Variants in CNTNAP2 observed in about 807,000 individuals in gnomAD.
The protein encoded by CNTNAP2 is contactin associated protein 2, also known as contactin-associated protein-like 2.
In CNTNAP2, 98 loss-of-function variants were observed where a neutral mutation model predicts 155.2. The observed-to-expected ratio is 0.63, with a 90% CI of 0.54 to 0.75. The LOEUF is 0.75. Ranked by LOEUF, CNTNAP2 falls within the 30% of genes least tolerant of loss-of-function variation. The probability of loss-of-function intolerance (pLI) is 0.00; values close to 1 mark genes in which losing one functional copy is unlikely to be tolerated. For synonymous variants in CNTNAP2, 651 were observed against 631.2 expected (o/e 1.03, Z -0.47); for missense variants, 1,727 against 1,688.1 (o/e 1.02, Z -0.40).
At chr7:147,605,201 CT>C (rs35140702) in intron 12 of CNTNAP2, among the ~76,000 whole-genome samples, 5 of 151,962 alleles carry the variant, frequency 3.3e-5, no homozygotes, top group African/African-American at 1.2e-4. Context: ...TTGTCCATTT[CT>C]TTTTTTTCCT....
intron 13 of CNTNAP2, among the ~76,000 whole-genome samples, chr7:147,667,141 G>A (rs1413167126): frequency 2.0e-5 from 3 of 152,154 alleles, no homozygotes; most frequent in African/African-American, 7.2e-5. Context: ...TTCAAGAACT[G>A]TTTTTCATTA....
chr7:146,331,700 C>T (rs1801190974), intron 1 of CNTNAP2, among the ~76,000 whole-genome samples: 1 of 152,160 alleles, frequency 6.6e-6, no homozygotes, highest in African/African-American at 2.4e-5. Context: ...TGACATTCCA[C>T]ATCACTCCTG....
Position 147,708,828 on chromosome 7 carries a change from T to C in CNTNAP2, c.2098+69522T>C, listed in dbSNP as rs140327036. 2.3e-4 allele frequency among the ~76,000 whole-genome samples: 35 copies of C among 152,312 alleles called. No individual in the cohort carries two copies. The East Asian group carries it at 6.2e-3, about 27-fold the overall frequency. Reference sequence around the variant, plus strand: ...TCTTTCATAAATGATCTATTCAAAGTGTGATCATCTATTCACTGTTTTTGT... The same window carrying C: ...TCTTTCATAAATGATCTATTCAAAGCGTGATCATCTATTCACTGTTTTTGT... On this transcript the variant is annotated intron_variant, in intron 13 of 23. Coordinates refer to ENST00000361727, the MANE Select transcript of CNTNAP2 (RefSeq NM_014141.6).
rs561982439 is a variant in CNTNAP2 at position 147,054,669 on chromosome 7, A to G, written c.550+10615A>G. Among the ~76,000 whole-genome samples the G allele has an allele frequency of 2.0e-5, 3 of 152,270 alleles. No homozygotes were observed. The East Asian group carries it at 5.8e-4, about 29-fold the overall frequency. The stretch of plus-strand genomic sequence containing the variant: ...TATTTAAATTAGCTAGGGAGAGAAG[A>G]GCAAATATTTAAGATGGCAGTAATT... On this transcript the variant is annotated intron_variant, in intron 4 of 23. Coordinates refer to ENST00000361727, the MANE Select transcript of CNTNAP2 (RefSeq NM_014141.6).
intron 21 of CNTNAP2, among the ~76,000 whole-genome samples, chr7:148,308,896 G>T (rs565644543): frequency 1.3e-5 from 2 of 152,278 alleles, no homozygotes; most frequent in African/African-American, 4.8e-5. Flanking sequence ...TCCCTGCAAA[G>T]GACGTGAACT....
chr7:147,165,198 G>A (rs372750672), intron 8 of CNTNAP2, among the ~76,000 whole-genome samples: 1 of 152,090 alleles, frequency 6.6e-6, no homozygotes, highest in South Asian at 2.1e-4. Context: ...ATTCTTGCAG[G>A]AGTAAGGGGG....
chr7:147,942,622 C>A (rs1336763696), intron 14 of CNTNAP2, among the ~76,000 whole-genome samples: 2 of 152,090 alleles, frequency 1.3e-5, no homozygotes, highest in Non-Finnish European at 2.9e-5. Flanking sequence ...CTTAGAGTCA[C>A]AATTGTCACC....
rs888689502 is a variant in CNTNAP2 at position 146,246,241 on chromosome 7, TA to T, written c.97+129270del. Among the ~76,000 whole-genome samples, 101 of 147,816 alleles carry T rather than the reference TA, an allele frequency of 6.8e-4. 2 individuals are homozygous for T. Among genetic ancestry groups the T allele is most frequent in the Non-Finnish European group, 1.1e-3 (72 of 66,766 alleles). The stretch of plus-strand genomic sequence containing the variant: ...CTTATACTTGTGGGTTAAGGTGGGG[TA>T]ATACAAGAGGAGGACGCAAAGGAGG... On this transcript the variant is annotated intron_variant, in intron 1 of 23. Transcript: ENST00000361727.
chr7:146,146,950 A>G (rs1021685188), intron 1 of CNTNAP2, among the ~76,000 whole-genome samples: 2 of 152,178 alleles, frequency 1.3e-5, no homozygotes, highest in Non-Finnish European at 2.9e-5. Flanking sequence ...CTGTCAAACA[A>G]ACACACAGTT....
At chr7:147,265,759 T>A (rs913144046) in intron 8 of CNTNAP2, among the ~76,000 whole-genome samples, 1 of 152,210 alleles carries the variant, frequency 6.6e-6, no homozygotes, top group South Asian at 2.1e-4. Context: ...GCATTCCTAC[T>A]GGCATCCGGT....
chr7:147,611,837 G>A (rs773609486), intron 12 of CNTNAP2, among the ~76,000 whole-genome samples: 6 of 152,096 alleles, frequency 3.9e-5, no homozygotes, highest in East Asian at 1.9e-4. Context: ...CTACCACAGC[G>A]TGCTGTGGTG....
chr7:146,150,470 C>T (rs1320934834), intron 1 of CNTNAP2, among the ~76,000 whole-genome samples: 2 of 152,036 alleles, frequency 1.3e-5, no homozygotes, highest in African/African-American at 4.8e-5. Context: ...TAACTGTTTA[C>T]AGAGAGCCAG....
intron 19 of CNTNAP2, among the ~76,000 whole-genome samples, chr7:148,223,308 T>A (rs1174430659): frequency 6.6e-6 from 1 of 152,200 alleles, no homozygotes; most frequent in Non-Finnish European, 1.5e-5. Flanking sequence ...ACTGTATTGT[T>A]ATCTGTCTCT....
chr7:148,199,756 C>A (rs1795337949), intron 18 of CNTNAP2, among the ~76,000 whole-genome samples: 1 of 152,076 alleles, frequency 6.6e-6, no homozygotes, highest in African/African-American at 2.4e-5. Flanking sequence ...GAAATTGAAC[C>A]AGTAGGATAG....
intron 9 of CNTNAP2, among the ~76,000 whole-genome samples, chr7:147,383,110 A>T (rs1209040996): frequency 6.6e-6 from 1 of 151,112 alleles, no homozygotes; most frequent in African/African-American, 2.5e-5. Context: ...GATACTTAAT[A>T]TTACATCTTC....
chr7:147,478,939 A>G (rs1798370598), intron 10 of CNTNAP2, among the ~76,000 whole-genome samples: 2 of 152,228 alleles, frequency 1.3e-5, no homozygotes, highest in Non-Finnish European at 2.9e-5. Context: ...ATCCCCTTCT[A>G]AAAGGCACAG....
At chr7:146,517,696 A>T (rs548571100) in intron 1 of CNTNAP2, among the ~76,000 whole-genome samples, 3 of 151,900 alleles carry the variant, frequency 2.0e-5, no homozygotes, top group South Asian at 2.1e-4. Flanking sequence ...TAAAGAAAGG[A>T]TTGTCTGATG....
chr7:147,446,207 C>A (rs531484224), intron 10 of CNTNAP2, among the ~76,000 whole-genome samples: 1 of 151,588 alleles, frequency 6.6e-6, no homozygotes, highest in South Asian at 2.1e-4. Flanking sequence ...TCTCTCCTCC[C>A]CCCACCCCTC....
At chr7:147,823,453 A>G (rs1798393592) in intron 13 of CNTNAP2, among the ~76,000 whole-genome samples, 1 of 152,162 alleles carries the variant, frequency 6.6e-6, no homozygotes, top group Non-Finnish European at 1.5e-5. Flanking sequence ...CACTTCGTAT[A>G]TCAGCACGTT....
Sources: gnomAD v4.1 joint callset for allele counts (sites outside exome capture counted in the v4.1 genomes callset) on GRCh38, gnomAD v4.1.1 for gene constraint, MANE v1.5 for transcripts, NCBI Gene and HGNC (gene_info 2026-07-23, HGNC 2026-07-21) for gene names.